Variants in EEFSEC observed in about 807,000 individuals in gnomAD.
EEFSEC encodes eukaryotic elongation factor, selenocysteine-tRNA specific, also known as selenocysteine-specific elongation factor.
EEFSEC carries 43 observed loss-of-function variants against 42.1 expected under a neutral mutation model. The ratio of observed to expected loss-of-function variants is 1.02; its 90% CI spans 0.80 to 1.32. The LOEUF is 1.32. Among genes scored for constraint, EEFSEC ranks in the 40% most tolerant of loss-of-function variants. The pLI is 0.00. For synonymous variants in EEFSEC, 354 were observed against 339.1 expected, an observed-to-expected ratio of 1.04 and a Z score of -0.48; for missense variants, 745 against 803.6, an observed-to-expected ratio of 0.93 and a Z score of 0.88.
At chr3:128,279,010 G>A (rs940240656) in intron 4 of EEFSEC, among the ~76,000 whole-genome samples, 1 of 152,214 alleles carries the variant, frequency 6.6e-6, no homozygotes, top group African/African-American at 2.4e-5. Context: ...AAAGACAGGA[G>A]GGGAGTGAGC....
At chr3:128,300,767 T>G (rs2066758445) in intron 4 of EEFSEC, among the ~76,000 whole-genome samples, 1 of 152,176 alleles carries the variant, frequency 6.6e-6, no homozygotes. Context: ...AAAATAAAAC[T>G]TTCATACCTT....
At chr3:128,372,313 T>C (rs914192589) in intron 6 of EEFSEC, among the ~76,000 whole-genome samples, 3 of 152,154 alleles carry the variant, frequency 2.0e-5, no homozygotes, top group Admixed American at 2.0e-4. Context: ...TGGATGATCT[T>C]GGCTTGGGCA....
intron 1 of EEFSEC, among the ~76,000 whole-genome samples, chr3:128,196,710 G>A (rs908516493): frequency 6.6e-6 from 1 of 152,158 alleles, no homozygotes; most frequent in Non-Finnish European, 1.5e-5. Flanking sequence ...TATAAGCTCT[G>A]ACTTGAAGAA....
intron 1 of EEFSEC, among the ~76,000 whole-genome samples, chr3:128,228,367 G>A (rs1366595001): frequency 6.6e-6 from 1 of 152,152 alleles, no homozygotes; most frequent in Admixed American, 6.5e-5. Flanking sequence ...TTGAAGGCTG[G>A]GTTGCCAGAG....
intron 4 of EEFSEC, among the ~76,000 whole-genome samples, chr3:128,286,424 C>T (rs1405473566): frequency 2.0e-5 from 3 of 152,222 alleles, no homozygotes. Flanking sequence ...GGAGACTTGT[C>T]TCTTCTCCCA....
intron 4 of EEFSEC, among the ~76,000 whole-genome samples, chr3:128,287,004 A>G (rs999710267): frequency 1.3e-5 from 2 of 152,032 alleles, no homozygotes; most frequent in Non-Finnish European, 2.9e-5. Flanking sequence ...ACCAGCATTC[A>G]CTCACTTATT....
the EEFSEC span, among the ~76,000 whole-genome samples, chr3:128,420,738 T>TTC: frequency 6.6e-6 from 1 of 152,108 alleles, no homozygotes; most frequent in Non-Finnish European, 1.5e-5. Flanking sequence ...GCCCCAATAC[T>TTC]TCTCTTCCCT....
intron 4 of EEFSEC, among the ~76,000 whole-genome samples, chr3:128,285,089 T>C (rs1443867382): frequency 6.6e-6 from 1 of 151,398 alleles, no homozygotes; most frequent in Non-Finnish European, 1.5e-5. Context: ...TAGGGAGGTG[T>C]TGGGAGAGTG....
chr3:128,267,494 T>C (rs965211799), intron 4 of EEFSEC, among the ~76,000 whole-genome samples: 1 of 152,234 alleles, frequency 6.6e-6, no homozygotes, highest in Non-Finnish European at 1.5e-5. Context: ...CTGAGACATT[T>C]GGTTAAGGAG....
At position 128,166,100 on chromosome 3, in the gene EEFSEC, A is replaced by G. The variant is rs148983269; in HGVS notation, c.316+12277A>G. Among the ~76,000 whole-genome samples the G allele has an allele frequency of 3.9e-5, 6 of 152,318 alleles. No homozygotes were observed. In the East Asian group the frequency reaches 1.2e-3, roughly 29 times the overall value. On this transcript the variant is annotated intron_variant, in intron 1 of 6. Coordinates refer to ENST00000254730, the MANE Select transcript of EEFSEC (RefSeq NM_021937.5). Reference sequence around the variant, plus strand: ...TTCAGAACTTACGCTCTAGAGAGGAAAGACTTTACATAAGAAGGACTCCAT... The same window carrying G: ...TTCAGAACTTACGCTCTAGAGAGGAGAGACTTTACATAAGAAGGACTCCAT...
intron 4 of EEFSEC, among the ~76,000 whole-genome samples, chr3:128,292,176 T>G (rs1438157068): frequency 6.6e-6 from 1 of 152,122 alleles, no homozygotes; most frequent in African/African-American, 2.4e-5. Flanking sequence ...AATCCTATTT[T>G]GTTATGAAAT....
chr3:128,405,029 T>G (rs1182064437), intron 6 of EEFSEC, among the ~76,000 whole-genome samples: 1 of 151,794 alleles, frequency 6.6e-6, no homozygotes, highest in African/African-American at 2.4e-5. Flanking sequence ...TTTTTTTTTT[T>G]TTTTTAAGAC....
chr3:128,250,944 G>C (rs1553747291), intron 2 of EEFSEC, among the ~76,000 whole-genome samples: 1 of 77,084 alleles, frequency 1.3e-5, no homozygotes, highest in Non-Finnish European at 2.7e-5. Context: ...ATGTTTTGTA[G>C]TTTTTAGCGT....
intron 3 of EEFSEC, among the ~76,000 whole-genome samples, chr3:128,264,223 T>G (rs1385226510): frequency 6.6e-6 from 1 of 152,144 alleles, no homozygotes; most frequent in Non-Finnish European, 1.5e-5. Context: ...TGAGGAGTTT[T>G]AAATTCTGAA....
chr3:128,227,414 T>C (rs1213729980), intron 1 of EEFSEC, among the ~76,000 whole-genome samples: 1 of 152,024 alleles, frequency 6.6e-6, no homozygotes, highest in Non-Finnish European at 1.5e-5. Flanking sequence ...GGACACTTCA[T>C]GGGGTGAAGC....
chr3:128,216,037 C>T (rs1246174322), intron 1 of EEFSEC, among the ~76,000 whole-genome samples: 1 of 152,090 alleles, frequency 6.6e-6, no homozygotes, highest in Non-Finnish European at 1.5e-5. Flanking sequence ...AGTGCTAGGT[C>T]TCCATAACAA....
At chr3:128,342,967 A>G (rs2067272395) in intron 5 of EEFSEC, among the ~76,000 whole-genome samples, 1 of 152,262 alleles carries the variant, frequency 6.6e-6, no homozygotes, top group East Asian at 1.9e-4. Flanking sequence ...TGTGGGTCCA[A>G]GCGGATCAGC....
rs150262855 is a variant in EEFSEC at position 128,183,167 on chromosome 3, G to A, written c.316+29344G>A. Among the ~76,000 whole-genome samples the A allele has an allele frequency of 2.0e-4, 30 of 152,252 alleles. No individual in the cohort carries two copies. In the East Asian group the frequency reaches 3.1e-3, roughly 16 times the overall value. On this transcript the variant is annotated intron_variant, in intron 1 of 6. Coordinates refer to ENST00000254730, the MANE Select transcript of EEFSEC (RefSeq NM_021937.5). ...AATACCTACCTGTTAGAGTTGCTTC[G>A]AGAACATAGAATAAATATTACTGCT...
chr3:128,188,065 T>C (rs1001765875), intron 1 of EEFSEC, among the ~76,000 whole-genome samples: 4 of 152,056 alleles, frequency 2.6e-5, no homozygotes, highest in East Asian at 3.9e-4. Context: ...GACAGGTCTG[T>C]GGTTTACAGA....
Sources: allele counts gnomAD v4.1 joint callset (sites outside exome capture counted in the v4.1 genomes callset), GRCh38; gene constraint gnomAD v4.1.1; transcripts MANE v1.5; gene names NCBI Gene and HGNC (gene_info 2026-07-23, HGNC 2026-07-21).